Variants in TLE5 observed in about 807,000 individuals in gnomAD.
TLE5 encodes the protein TLE family member 5, transcriptional modulator, also known as TLE family member 5.
A neutral mutation model predicts 25.8 loss-of-function variants in TLE5; 7 were observed. The ratio of observed to expected loss-of-function variants is 0.27; its 90% confidence interval spans 0.15 to 0.51. TLE5 has a LOEUF of 0.51. Ranked by LOEUF, TLE5 falls within the 20% of genes least tolerant of loss-of-function variation. The probability of loss-of-function intolerance (pLI) is 0.97; values close to 1 mark genes in which losing one functional copy is unlikely to be tolerated. For missense variants in TLE5, 149 were observed against 250.7 expected, an observed-to-expected ratio of 0.59 and a Z score of 2.74; for synonymous variants, 132 against 110.5, an observed-to-expected ratio of 1.20 and a Z score of -1.22.
Position 3,062,443 on chromosome 19 carries a change from C to T in TLE5, c.-243G>A. On this transcript the variant is annotated 5_prime_UTR_variant, in exon 1 of 7. Transcript: ENST00000327141. ...CTCCCCGCCCCTCCCCGCCGCCCGC[C>T]TCCCCGCTCCCCGGCCCCACCGCTA... 1 of 706,238 alleles carries T rather than the reference C, an allele frequency of 1.4e-6. No individual in the cohort carries two copies. Among genetic ancestry groups the T allele is most frequent in the South Asian group, 6.1e-5 (1 of 16,336 alleles). 43.7% of individuals were successfully genotyped at this position (706,238 alleles called of 1,614,324 possible).
At chr19:3,061,701 G>A (rs535422794) in intron 1 of TLE5, among the ~76,000 whole-genome samples, 1 of 151,064 alleles carries the variant, frequency 6.6e-6, no homozygotes, top group Non-Finnish European at 1.5e-5. Context: ...CTTCCGGGGG[G>A]GCCCAACCCC....
At chr19:3,056,415 C>A (rs772076353) in intron 3 of TLE5, 59 bp from the exon 4 acceptor site, 3 of 613,406 alleles carry the variant, frequency 4.9e-6, no homozygotes, top group South Asian at 3.7e-5. Flanking sequence ...TGGGGGGACA[C>A]GGAGACAAAG....
intron 1 of TLE5, among the ~76,000 whole-genome samples, chr19:3,061,736 G>A (rs1393090066): frequency 6.6e-6 from 1 of 150,968 alleles, no homozygotes; most frequent in Non-Finnish European, 1.5e-5. Context: ...CTTCCTCGGG[G>A]ACACGCTCTT....
rs1301233385 is a variant in TLE5 at position 3,052,987 on chromosome 19, G to A, written c.*832C>T. The A allele has an allele frequency of 6.6e-6, 1 of 151,830 alleles. No homozygotes were observed. Among genetic ancestry groups the A allele is most frequent in the African/African-American group, 2.4e-5 (1 of 41,332 alleles). 9.4% of individuals were successfully genotyped at this position (151,830 alleles called of 1,614,324 possible). On this transcript the variant is annotated 3_prime_UTR_variant, in exon 7 of 7. Transcript: ENST00000327141. ...AGCATTTTCCACTTCTCTCTGTAGA[G>A]ATCAGACGATTGAACACGAGATAAG...
At chr19:3,060,903 T>G in intron 2 of TLE5, 1 of 283,644 alleles carries the variant, frequency 3.5e-6, no homozygotes. Context: ...CTTGGGGGTA[T>G]TGGGGAGGAG....
rs1456358653 is a variant in TLE5 at position 3,062,488 on chromosome 19, C to A, written c.-288G>T. The A allele has an allele frequency of 4.8e-6, 3 of 618,864 alleles. No individual in the cohort carries two copies. Among genetic ancestry groups the A allele is most frequent in the Non-Finnish European group, 4.0e-6 (2 of 498,050 alleles). 38.3% of individuals were successfully genotyped at this position (618,864 alleles called of 1,614,324 possible). ...CCGCTATTGTCTAATGGCGGCGACG[C>A]CGGCAGTGGCCGCGGCTCGGCTGCT... On this transcript the variant is annotated 5_prime_UTR_variant, in exon 1 of 7. Coordinates refer to ENST00000327141, the MANE Select transcript of TLE5 (RefSeq NM_001130.6).
chr19:3,060,698 C>A (rs1034246187), intron 2 of TLE5, among the ~76,000 whole-genome samples: 3 of 152,122 alleles, frequency 2.0e-5, no homozygotes, highest in Non-Finnish European at 4.4e-5. Context: ...CGCAGCGTGG[C>A]AAGCTCTTCA....
At chr19:3,059,903 T>C (rs142894329) in intron 2 of TLE5, among the ~76,000 whole-genome samples, 104 of 152,288 alleles carry the variant, frequency 6.8e-4, no homozygotes, top group Admixed American at 1.8e-3. Context: ...GTGTCTCAGT[T>C]TGCCCAGCTT....
At chr19:3,059,391 G>A (rs888314063) in intron 2 of TLE5, among the ~76,000 whole-genome samples, 3 of 152,002 alleles carry the variant, frequency 2.0e-5, no homozygotes, top group East Asian at 1.9e-4. Context: ...GTGTGGTGGT[G>A]CACGCCTGTA....
intron 5 of TLE5, chr19:3,054,411 G>C: frequency 1.7e-6 from 1 of 597,214 alleles, no homozygotes. Flanking sequence ...AGAGACAAAT[G>C]GAAAAGTGCA....
At position 3,061,268 on chromosome 19, in the gene TLE5, G is replaced by A. The variant is rs756405583; in HGVS notation, c.28-11C>T. On this transcript the variant is annotated splice_polypyrimidine_tract_variant and intron_variant, in intron 1 of 6. Coordinates refer to ENST00000327141, the MANE Select transcript of TLE5 (RefSeq NM_001130.6). ...TAGGTGCGAGGAGCCCTGTAGGGAT[G>A]GGGCGGCCCGGGTCAGGCCCAGGCG... is the stretch of plus-strand genomic sequence containing the variant. The A allele has an allele frequency of 6.9e-6, 11 of 1,605,126 alleles. No individual in the cohort carries two copies. In the African/African-American group the frequency reaches 1.3e-4, roughly 20 times the overall value.
At position 3,057,873 on chromosome 19, in the gene TLE5, G is replaced by C. The variant is rs541947865; in HGVS notation, c.126-131C>G. On this transcript the variant is annotated intron_variant, in intron 2 of 6. Transcript: ENST00000327141. Reference sequence around the variant, plus strand: ...GGGCAAGATCAGCCAATTCTCAGAGGGTCAAGCAATAATTTTTTTTTTAAA... The same window carrying C: ...GGGCAAGATCAGCCAATTCTCAGAGCGTCAAGCAATAATTTTTTTTTTAAA... 152 of 788,696 alleles carry C rather than the reference G, an allele frequency of 1.9e-4. 1 individual carries two copies. In the East Asian group the frequency reaches 4.0e-3, roughly 21 times the overall value. 48.9% of individuals were successfully genotyped at this position (788,696 alleles called of 1,614,324 possible).
intron 1 of TLE5, among the ~76,000 whole-genome samples, chr19:3,061,858 G>A (rs983283389): frequency 5.1e-5 from 7 of 137,898 alleles, no homozygotes; most frequent in Non-Finnish European, 1.1e-4. Context: ...GGCCAAGGCC[G>A]TCCGAGGCCC....
Position 3,053,210 on chromosome 19 carries a change from C to T in TLE5, c.*609G>A, listed in dbSNP as rs2090188429. On this transcript the variant is annotated 3_prime_UTR_variant, in exon 7 of 7. Coordinates refer to ENST00000327141, the MANE Select transcript of TLE5 (RefSeq NM_001130.6). ...AGGGGAGGGGGAATCCTGGGTCGCCCACCCTCACCCTGCTCCTCCCAGCTC... is the reference window on the plus strand; with the variant it reads ...AGGGGAGGGGGAATCCTGGGTCGCCTACCCTCACCCTGCTCCTCCCAGCTC... 1 of 152,286 alleles carries T rather than the reference C, an allele frequency of 6.6e-6. No individual in the cohort carries two copies. The highest frequency in any genetic ancestry group is 1.5e-5 in the Non-Finnish European group (1 of 68,150). 9.4% of individuals were successfully genotyped at this position (152,286 alleles called of 1,614,324 possible). A position where few individuals can be genotyped will look rare whatever the true frequency, so the allele number is the denominator to read the frequency against.
In TLE5 at chr19:3,061,139, AC is replaced by A. The variant is rs756289888; in HGVS notation, c.125+20del. On this transcript the variant is annotated intron_variant, in intron 2 of 6. Coordinates refer to ENST00000327141, the MANE Select transcript of TLE5 (RefSeq NM_001130.6). Reference sequence around the variant, plus strand: ...GGACTCACATTCTCGGGACGCAGGGACCCCCAGTCCCCCAGCTCACCTGTGG... The same window carrying A: ...GGACTCACATTCTCGGGACGCAGGGACCCCAGTCCCCCAGCTCACCTGTGG... 4 of 1,587,824 alleles carry A rather than the reference AC, an allele frequency of 2.5e-6. No homozygotes were observed. Among genetic ancestry groups the A allele is most frequent in the East Asian group, 4.5e-5 (2 of 44,720 alleles).
chr19:3,055,922 C>T, intron 4 of TLE5, 196 bp from the exon 5 acceptor site: 1 of 555,702 alleles, frequency 1.8e-6, no homozygotes, highest in East Asian at 3.1e-5. Flanking sequence ...TGGGGCTGGA[C>T]ACCGGCTGTC....
chr19:3,054,086 T>TCCGGGGGCCCCC, intron 6 of TLE5, 34 bp downstream of exon 6: 2 of 1,512,816 alleles, frequency 1.3e-6, no homozygotes, highest in Non-Finnish European at 1.8e-6. Context: ...GGCCCACCTG[T>TCCGGGGGCCCCC]CCCCCGCCCA....
rs1456666911 is a variant in TLE5, at chr19:3,053,834, G to T, written c.579C>A (p.Gly193=). ...HDGDTHQEDD[G]EKSD Reference sequence around the variant, plus strand: ...CGGCCCCCTGCTAATCCGACTTCTCGCCATCATCCTCCTGGTGGGTGTCAC... The same window carrying T: ...CGGCCCCCTGCTAATCCGACTTCTCTCCATCATCCTCCTGGTGGGTGTCAC... The change falls in exon 7 of 7, where the codon GGC becomes GGA. Residue 193 remains glycine, a synonymous_variant. Coordinates refer to ENST00000327141, the MANE Select transcript of TLE5 (RefSeq NM_001130.6). 3 of 1,612,568 alleles carry T rather than the reference G, an allele frequency of 1.9e-6. No individual in the cohort carries two copies. Among genetic ancestry groups the T allele is most frequent in the Non-Finnish European group, 2.5e-6 (3 of 1,179,816 alleles).
In TLE5 at chr19:3,054,186, CTGCTGG is replaced by C; in HGVS notation, c.300_305del (p.His100_Gln101del). 6.2e-7 allele frequency: 1 copy of C among 1,608,744 alleles called. No individual in the cohort carries two copies. The highest frequency in any genetic ancestry group is 8.5e-7 in the Non-Finnish European group (1 of 1,179,232). ...CCCTCTCAATGGCTCCCAAGACCTGCTGCTGGTGCTGGAAGGGGGTCGGGGGAGAGG... is the reference window on the plus strand; with the variant it reads ...CCCTCTCAATGGCTCCCAAGACCTGCTGCTGGAAGGGGGTCGGGGGAGAGG... On this transcript the variant is annotated inframe_deletion and splice_region_variant, in exon 6 of 7. Transcript: ENST00000327141.
Sources: allele counts gnomAD v4.1 joint callset (sites outside exome capture counted in the v4.1 genomes callset), GRCh38; gene constraint gnomAD v4.1.1; transcripts MANE v1.5; gene names NCBI Gene and HGNC (gene_info 2026-07-23, HGNC 2026-07-21).